Variants in ASB4 observed in about 807,000 individuals in gnomAD.
ASB4 encodes the protein ankyrin repeat and SOCS box containing 4.
In ASB4, 35 loss-of-function variants were observed where a neutral mutation model predicts 38.6. The ratio of observed to expected loss-of-function variants is 0.91; its 90% CI spans 0.69 to 1.20. ASB4 has a LOEUF of 1.20. ASB4 is among the 50% of genes most tolerant of loss of function. The probability of loss-of-function intolerance (pLI) is 0.00; values close to 1 mark genes in which losing one functional copy is unlikely to be tolerated. For missense variants in ASB4, 557 were observed against 527.2 expected (o/e 1.06, Z -0.55); for synonymous variants, 195 against 201.3 (o/e 0.97, Z 0.26).
intron 3 of ASB4, among the ~76,000 whole-genome samples, chr7:95,530,377 A>C (rs1179515374): frequency 6.6e-6 from 1 of 152,166 alleles, no homozygotes; most frequent in Non-Finnish European, 1.5e-5. Context: ...AGGCAGGAGA[A>C]TGGCTTGAAC....
At chr7:95,514,231 G>C (rs536721502) in intron 2 of ASB4, among the ~76,000 whole-genome samples, 12 of 152,132 alleles carry the variant, frequency 7.9e-5, no homozygotes, top group African/African-American at 2.9e-4. Context: ...CTTCCTTGTT[G>C]ATTACTTGAA....
intron 3 of ASB4, among the ~76,000 whole-genome samples, chr7:95,534,650 G>T (rs1473280027): frequency 6.6e-6 from 1 of 152,018 alleles, no homozygotes; most frequent in Non-Finnish European, 1.5e-5. Context: ...GGTTGCTGAT[G>T]GTGCTCAAGG....
upstream of ASB4, among the ~76,000 whole-genome samples, chr7:95,477,825 C>A (rs557710379): frequency 6.6e-6 from 1 of 150,856 alleles, no homozygotes; most frequent in African/African-American, 2.4e-5. Flanking sequence ...TTTAGGTATA[C>A]TATTTTTCTA....
chr7:95,507,887 G>C (rs914912042), intron 2 of ASB4, among the ~76,000 whole-genome samples: 2 of 152,136 alleles, frequency 1.3e-5, no homozygotes, highest in East Asian at 1.9e-4. Context: ...TGGATTTAGT[G>C]ACATGGATGG....
At chr7:95,543,080 C>T (rs1466338198), downstream of ASB4, 1 of 152,220 alleles carries the variant, frequency 6.6e-6, no homozygotes, top group Admixed American at 6.5e-5. Context: ...AACATTCACT[C>T]CTTGTCCTGT....
At chr7:95,483,114 C>G (rs191592363), upstream of ASB4, among the ~76,000 whole-genome samples, 19 of 152,294 alleles carry the variant, frequency 1.2e-4, no homozygotes, top group Non-Finnish European at 2.2e-4. Context: ...ATCACACACT[C>G]TAGTAGCCAG....
At chr7:95,507,125 G>T (rs1030792370) in intron 2 of ASB4, among the ~76,000 whole-genome samples, 1 of 151,944 alleles carries the variant, frequency 6.6e-6, no homozygotes, top group African/African-American at 2.4e-5. Flanking sequence ...AATTATCTAC[G>T]TAGAGGTTTT....
chr7:95,531,146 C>A (rs546110319), intron 3 of ASB4, among the ~76,000 whole-genome samples: 43 of 152,192 alleles, frequency 2.8e-4, no homozygotes, highest in Non-Finnish European at 5.9e-4. Flanking sequence ...CCAAACATTT[C>A]TTTCCTCTTT....
intron 2 of ASB4, among the ~76,000 whole-genome samples, chr7:95,518,356 A>G (rs1465144785): frequency 6.6e-6 from 1 of 152,232 alleles, no homozygotes; most frequent in African/African-American, 2.4e-5. Context: ...TGATATTGTG[A>G]TAGTGGGGCA....
downstream of ASB4, among the ~76,000 whole-genome samples, chr7:95,540,959 T>C (rs551427120): frequency 1.7e-4 from 26 of 152,360 alleles, no homozygotes; most frequent in East Asian, 2.7e-3. Context: ...TGATTGTTTG[T>C]GAAGAACTTA....
intron 2 of ASB4, among the ~76,000 whole-genome samples, chr7:95,500,116 C>G (rs1395808252): frequency 1.3e-5 from 2 of 151,704 alleles, no homozygotes; most frequent in Non-Finnish European, 2.9e-5. Context: ...TGGTTTTTCC[C>G]CTCAACAATG....
rs1790238058 is a variant in ASB4, at chr7:95,495,824, T to C, written c.254T>C (p.Phe85Ser). The C allele has an allele frequency of 6.2e-7, 1 of 1,613,926 alleles. No individual in the cohort carries two copies. The highest frequency in any genetic ancestry group is 8.5e-7 in the Non-Finnish European group (1 of 1,179,958). Residue 85 changes from phenylalanine to serine, a missense_variant, in exon 2 of 5, where the codon TTT (phenylalanine) becomes TCT (serine). Coordinates refer to ENST00000325885, the MANE Select transcript of ASB4 (RefSeq NM_016116.3). ...ACAGGCCTCCATCTCTCTGTCTTGT[T>C]TGGCCATGTGGAATGTCTTCTGGTG... is the stretch of plus-strand genomic sequence containing the variant. ...WATGLHLSVLFGHVECLLVLL... is the reference protein window; with the variant it reads ...WATGLHLSVLSGHVECLLVLL...
chr7:95,488,371 A>G (rs1790122926), intron 1 of ASB4, among the ~76,000 whole-genome samples: 1 of 152,120 alleles, frequency 6.6e-6, no homozygotes. Context: ...GTTTCTTCCA[A>G]TTTTTTTCAC....
At chr7:95,503,268 A>G (rs1790365662) in intron 2 of ASB4, among the ~76,000 whole-genome samples, 1 of 152,220 alleles carries the variant, frequency 6.6e-6, no homozygotes, top group Non-Finnish European at 1.5e-5. Flanking sequence ...TCACTGGGTA[A>G]AATTTCAACC....
intron 3 of ASB4, among the ~76,000 whole-genome samples, chr7:95,530,156 T>C (rs1456252590): frequency 6.7e-6 from 1 of 148,450 alleles, no homozygotes; most frequent in East Asian, 2.0e-4. Flanking sequence ...TTTAAGTTGA[T>C]TAGAAAAAAT....
chr7:95,485,913 GTT>G (rs1790081507), upstream of ASB4: 1 of 1,510,220 alleles, frequency 6.6e-7, no homozygotes, highest in South Asian at 1.2e-5. Context: ...GCATGCGCCT[GTT>G]TGCTCGGTGC....
the ASB4 span, among the ~76,000 whole-genome samples, chr7:95,472,241 A>G: frequency 1.1e-4 from 17 of 152,312 alleles, no homozygotes; most frequent in African/African-American, 4.1e-4. Context: ...AAATGTGTCC[A>G]AAATTGAAAG....
intron 1 of ASB4, among the ~76,000 whole-genome samples, chr7:95,492,826 T>C (rs1178079756): frequency 6.6e-6 from 1 of 152,208 alleles, no homozygotes; most frequent in African/African-American, 2.4e-5. Context: ...AGTTGCTTTT[T>C]GAGGAAATTT....
chr7:95,536,222 G>GT (rs571581914), intron 3 of ASB4, among the ~76,000 whole-genome samples: 118 of 148,296 alleles, frequency 8.0e-4, no homozygotes, highest in South Asian at 1.9e-3. Context: ...GTGGGTTCTG[G>GT]TTTTTTTTTT....
Sources: allele counts gnomAD v4.1 joint callset (sites outside exome capture counted in the v4.1 genomes callset), GRCh38; gene constraint gnomAD v4.1.1; transcripts MANE v1.5; gene names NCBI Gene and HGNC (gene_info 2026-07-23, HGNC 2026-07-21).